DNAH17: variants seen among roughly 807,000 people sequenced by gnomAD.
DNAH17 encodes axonemal beta dynein heavy chain 17.
In DNAH17, 376 loss-of-function variants were observed where a neutral mutation model predicts 485.6. The observed-to-expected ratio is 0.77, with a 90% CI of 0.71 to 0.84. The LOEUF (loss-of-function observed/expected upper bound fraction) is 0.84. Ranked by LOEUF, DNAH17 falls within the 40% of genes least tolerant of loss-of-function variation. The pLI, the probability that DNAH17 is intolerant of heterozygous loss-of-function variation, is 0.00. For missense variants in DNAH17, 6,370 were observed against 5,839.3 expected (o/e 1.09, Z -2.96); for synonymous variants, 3,031 against 2,405.9 (o/e 1.26, Z -7.60).
intron 19 of DNAH17, among the ~76,000 whole-genome samples, chr17:78,533,381 G>A (rs900886536): frequency 2.6e-5 from 4 of 152,180 alleles, no homozygotes; most frequent in East Asian, 1.9e-4. Flanking sequence ...GAGAGCTGAT[G>A]GATGGGTAGA....
At chr17:78,438,630 T>C (rs2086949645) in intron 73 of DNAH17, among the ~76,000 whole-genome samples, 2 of 150,856 alleles carry the variant, frequency 1.3e-5, no homozygotes, top group South Asian at 2.1e-4. Context: ...TCCCAAGTAG[T>C]TGAGGTTACA....
rs569634743 is a variant in DNAH17, at chr17:78,551,709, A to G, written c.2288-71T>C. 1.8e-5 allele frequency: 26 copies of G among 1,482,174 alleles called. No individual in the cohort carries two copies. In the Admixed American group the frequency reaches 2.2e-4, roughly 13 times the overall value. The allele number at this position is 1,482,174 out of a possible 1,614,324, so 91.8% of individuals were successfully genotyped here. On this transcript the variant is annotated intron_variant, in intron 15 of 80. Transcript: ENST00000389840. ...CTGGGCGCGGTGGCTCAAGCTTGTA[A>G]TCTCAGCCCTTTGGGAGGTCAGGGC... is the stretch of plus-strand genomic sequence containing the variant.
intron 58 of DNAH17, 147 bp from the exon 59 acceptor site, chr17:78,460,404 A>G (rs1034213969): frequency 2.4e-5 from 16 of 666,264 alleles, no homozygotes; most frequent in South Asian, 5.6e-5. Context: ...GCATGAGTGT[A>G]TGTGTGTGCA....
intron 59 of DNAH17, 68 bp downstream of exon 59, chr17:78,460,094 C>T (rs919787852): frequency 7.1e-5 from 112 of 1,580,284 alleles, no homozygotes; most frequent in Non-Finnish European, 8.3e-5. Context: ...TCACCACCCA[C>T]GCCAACAGCG....
chr17:78,539,599 T>C (rs909997677), intron 18 of DNAH17, 138 bp downstream of exon 18: 3 of 796,440 alleles, frequency 3.8e-6, no homozygotes, highest in Non-Finnish European at 5.5e-6. Flanking sequence ...TAAAACCAGG[T>C]CAAGTAGATT....
Position 78,450,398 on chromosome 17 carries a change from G to A in DNAH17, c.10900-4C>T, listed in dbSNP as rs752759164. The A allele has an allele frequency of 3.5e-5, 56 of 1,613,522 alleles. 1 individual carries two copies. The African/African-American group carries it at 3.7e-4, about 11-fold the overall frequency. ...CTGTGATTTTTGCCTCCACCACCTCGACACAAACAAAAGGGGTGTGAATGA... is the reference window on the plus strand; with the variant it reads ...CTGTGATTTTTGCCTCCACCACCTCAACACAAACAAAAGGGGTGTGAATGA... On this transcript the variant is annotated splice_polypyrimidine_tract_variant and splice_region_variant and intron_variant, in intron 67 of 80. Transcript: ENST00000389840.
At chr17:78,545,665 A>C (rs961102394) in intron 16 of DNAH17, among the ~76,000 whole-genome samples, 1 of 151,084 alleles carries the variant, frequency 6.6e-6, no homozygotes, top group Non-Finnish European at 1.5e-5. Flanking sequence ...GGAGTGTTTG[A>C]GAGTCACAAA....
chr17:78,538,486 T>C (rs1308556630), intron 18 of DNAH17, among the ~76,000 whole-genome samples: 4 of 152,214 alleles, frequency 2.6e-5, no homozygotes, highest in Non-Finnish European at 5.9e-5. Flanking sequence ...CTGTGGGTTA[T>C]GAGCTTTTGA....
chr17:78,466,579 C>A, intron 56 of DNAH17, 76 bp downstream of exon 56: 1 of 1,424,752 alleles, frequency 7.0e-7, no homozygotes, highest in Non-Finnish European at 9.2e-7. Flanking sequence ...GCCCTTTTCT[C>A]CCAGGGAGCC....
Position 78,425,756 on chromosome 17 carries a change from C to CTTTTTTTTTTTTTTT in DNAH17, c.12916-200_12916-186dup, listed in dbSNP as rs71160294. Among the ~76,000 whole-genome samples, 10 of 120,738 alleles carry CTTTTTTTTTTTTTTT rather than the reference C, an allele frequency of 8.3e-5. 2 individuals carry two copies. Among genetic ancestry groups the CTTTTTTTTTTTTTTT allele is most frequent in the African/African-American group, 3.8e-4 (10 of 26,232 alleles). 79.2% of individuals were successfully genotyped at this position (120,738 alleles called of 152,430 possible). A position where few individuals can be genotyped will look rare whatever the true frequency, so the allele number is the denominator to read the frequency against. On this transcript the variant is annotated intron_variant, in intron 79 of 80. Coordinates refer to ENST00000389840, the MANE Select transcript of DNAH17 (RefSeq NM_173628.4). ...TACCATGACGCAACTTTGGTGTCTG[C>CTTTTTTTTTTTTTTT]TTTTTTTTTTTTTTTTTTTTTTTTT... is the stretch of plus-strand genomic sequence containing the variant.
intron 48 of DNAH17, among the ~76,000 whole-genome samples, chr17:78,484,444 T>G (rs533903748): frequency 2.2e-4 from 33 of 152,262 alleles, no homozygotes; most frequent in African/African-American, 7.0e-4. Context: ...ATCTCTCTGC[T>G]GGGGCTCCCA....
chr17:78,456,886 C>A (rs933023444), intron 62 of DNAH17, among the ~76,000 whole-genome samples: 2 of 152,240 alleles, frequency 1.3e-5, no homozygotes, highest in Non-Finnish European at 2.9e-5. Context: ...GGCAGCCACC[C>A]ACTTGGGAGG....
rs1371897790 is a variant in DNAH17 at position 78,567,685 on chromosome 17, G to A, written c.1285-519C>T. 7.9e-5 allele frequency among the ~76,000 whole-genome samples: 12 copies of A among 152,096 alleles called. No homozygotes were observed. The South Asian group carries it at 1.0e-3, about 13-fold the overall frequency. On this transcript the variant is annotated intron_variant, in intron 9 of 80. Coordinates refer to ENST00000389840, the MANE Select transcript of DNAH17 (RefSeq NM_173628.4). ...CACGTGTAGAAAATTCTGCTTCCTC[G>A]CCGGTGTGGCTCATGCCCCCTCTCC...
chr17:78,470,100 C>G (rs1375707970), intron 54 of DNAH17, among the ~76,000 whole-genome samples: 4 of 107,010 alleles, frequency 3.7e-5, no homozygotes, highest in Non-Finnish European at 6.9e-5. Context: ...TTGAGACAGT[C>G]TCTCACTCTG....
chr17:78,467,619 A>T (rs998727926), intron 55 of DNAH17, among the ~76,000 whole-genome samples: 1 of 152,138 alleles, frequency 6.6e-6, no homozygotes, highest in African/African-American at 2.4e-5. Context: ...GGTGTCCAGG[A>T]GAGCTATGGG....
At chr17:78,432,471 C>T (rs1360752501) in intron 75 of DNAH17, among the ~76,000 whole-genome samples, 2 of 152,224 alleles carry the variant, frequency 1.3e-5, no homozygotes, top group Non-Finnish European at 2.9e-5. Flanking sequence ...AGCCAAGTCC[C>T]GGCCCAGTTC....
intron 19 of DNAH17, chr17:78,533,099 A>G (rs1193151342): frequency 4.6e-6 from 1 of 216,548 alleles, no homozygotes. Flanking sequence ...CCGATTTGCA[A>G]TATTCTGCCA....
chr17:78,427,070 C>A lies in DNAH17; in HGVS notation c.12627G>T (p.Pro4209=). The A allele has an allele frequency of 6.3e-7, 1 of 1,591,398 alleles. No individual in the cohort carries two copies. The highest frequency in any genetic ancestry group is 2.3e-5 in the East Asian group (1 of 43,788). Residue 4209 remains proline (P), a synonymous_variant, in exon 78 of 81, where the codon CCG becomes CCT. Coordinates refer to ENST00000389840, the MANE Select transcript of DNAH17 (RefSeq NM_173628.4). The part of the protein sequence containing the change: ...AVLDDILEKI[P]ETFNMAEIMA... ...TGATCTCAGCCATGTTGAAAGTCTC[C>A]GGAATCTTCTCCAGGATGTCGTCCA...
Position 78,561,843 on chromosome 17 carries a change from G to A in DNAH17, c.1707C>T (p.Ala569=). ...TCAGGGGGATGTTCCCCTCCTCGGA[G>A]GCCGCCATCTGGGCATCGTACAAGA... ...AKILYDAQMA[A]SEEGNIPLIH... is the part of the protein sequence containing the mutation. The change falls in exon 12 of 81, where the codon GCC becomes GCT. Residue 569 remains alanine, a synonymous_variant. Coordinates refer to ENST00000389840, the MANE Select transcript of DNAH17 (RefSeq NM_173628.4). 3 of 1,613,950 alleles carry A rather than the reference G, an allele frequency of 1.9e-6. No individual in the cohort carries two copies. The highest frequency in any genetic ancestry group is 1.7e-6 in the Non-Finnish European group (2 of 1,179,874).
Sources: allele counts gnomAD v4.1 joint callset (sites outside exome capture counted in the v4.1 genomes callset), GRCh38; gene constraint gnomAD v4.1.1; transcripts MANE v1.5; gene names NCBI Gene and HGNC (gene_info 2026-07-23, HGNC 2026-07-21).